The following COG8 variants were observed in gnomAD, a reference collection of about 807,000 sequenced individuals.
The protein encoded by COG8 is component of oligomeric golgi complex 8.
A neutral mutation model predicts 46.5 loss-of-function variants in COG8; 45 were observed. The observed-to-expected ratio is 0.97, with a 90% CI of 0.76 to 1.24. COG8 has a LOEUF of 1.24. Among genes scored for constraint, COG8 ranks in the 50% most tolerant of loss-of-function variants. The pLI is 0.00. For missense variants in COG8, 793 were observed against 820.8 expected, an observed-to-expected ratio of 0.97 and a Z score of 0.41; for synonymous variants, 407 against 347.8, an observed-to-expected ratio of 1.17 and a Z score of -1.90.
At position 69,335,168 on chromosome 16, in the gene COG8, G is replaced by A. The variant is rs370783972; in HGVS notation, c.766C>T (p.Arg256Trp). The A allele has an allele frequency of 8.5e-5, 138 of 1,614,058 alleles. No individual in the cohort carries two copies. Among genetic ancestry groups the A allele is most frequent in the Middle Eastern group, 3.3e-4 (2 of 6,084 alleles). Residue 256 changes from arginine (R) to tryptophan (W), a missense_variant, in exon 3 of 6, where the codon CGG becomes TGG. Physicochemically the swap from Arg to Trp is moderately radical, Grantham distance 101. Coordinates refer to ENST00000306875, the MANE Select transcript of COG8 (RefSeq NM_032382.5). Reference sequence around the variant, plus strand: ...TTAGGAATGGCAGTCAGGATGGACCGGAGCCAAGCATCTCGGGCCTGAAGA... The same window carrying A: ...TTAGGAATGGCAGTCAGGATGGACCAGAGCCAAGCATCTCGGGCCTGAAGA... ...KFLQARDAWLRSILTAIPNDD... is the reference protein window; with the variant it reads ...KFLQARDAWLWSILTAIPNDD...
At chr16:69,331,726 C>A (rs1272802741) in intron 4 of COG8, among the ~76,000 whole-genome samples, 2 of 152,030 alleles carry the variant, frequency 1.3e-5, no homozygotes, top group South Asian at 2.1e-4. Flanking sequence ...GTCTCAAACT[C>A]CCAACCTCAG....
intron 5 of COG8, 134 bp downstream of exon 5, chr16:69,330,679 T>G: frequency 1.4e-6 from 2 of 1,397,036 alleles, no homozygotes; most frequent in South Asian, 1.5e-5. Context: ...GATCCCCGCC[T>G]TCCTGCTTAG....
intron 5 of COG8, among the ~76,000 whole-genome samples, chr16:69,329,507 C>G (rs1965714590): frequency 6.6e-6 from 1 of 152,244 alleles, no homozygotes; most frequent in South Asian, 2.1e-4. Context: ...AACAGAGGTT[C>G]TGCAGCTTGA....
At position 69,339,530 on chromosome 16, in the gene COG8, GGGATA is replaced by G; in HGVS notation, c.18_22del (p.Pro8GlyfsTer15). 6.2e-7 allele frequency: 1 copy of G among 1,608,546 alleles called. No individual in the cohort carries two copies. Among genetic ancestry groups the G allele is most frequent in the Non-Finnish European group, 8.5e-7 (1 of 1,179,924 alleles). On this transcript the variant is annotated frameshift_variant, in exon 1 of 6. Transcript: ENST00000306875. LOFTEE classifies it high-confidence loss of function. ...CGCTGCTGTGGCCGTGGCTACCGAT[GGGATA>G]GTCGCCGCGGTCGCCATCTTCCCAG...
At position 69,328,925 on chromosome 16, in the gene COG8, C is replaced by T; in HGVS notation, c.*281G>A. ...TGGCAATCCAGTTTCCTGTCATATG[C>T]GAGCCATCCAAGTTGATGCCAAGTA... On this transcript the variant is annotated 3_prime_UTR_variant, in exon 6 of 6. Transcript: ENST00000306875. 2.7e-6 allele frequency: 4 copies of T among 1,476,358 alleles called. No homozygotes were observed. Among genetic ancestry groups the T allele is most frequent in the Non-Finnish European group, 2.7e-6 (3 of 1,101,382 alleles). 91.5% of individuals were successfully genotyped at this position (1,476,358 alleles called of 1,614,324 possible). A position where few individuals can be genotyped will look rare whatever the true frequency, so the allele number is the denominator to read the frequency against.
intron 5 of COG8, chr16:69,330,165 G>C: frequency 1.3e-6 from 2 of 1,532,440 alleles, no homozygotes; most frequent in South Asian, 1.2e-5. Flanking sequence ...TGGCGGGGCG[G>C]GCACTCCCGA....
rs768079795 is a variant in COG8 at position 69,334,777 on chromosome 16, G to A, written c.1157C>T (p.Thr386Ile). Reference sequence around the variant, plus strand: ...CATTTCTTCCTGGAATTTCTCCACTGTTTCCTGAATTGCTTTCTGGAAAGT... The same window carrying A: ...CATTTCTTCCTGGAATTTCTCCACTATTTCCTGAATTGCTTTCTGGAAAGT... ...ISTFQKAIQE[T>I]VEKFQEEMNS... The change falls in exon 3 of 6, where the codon ACA (threonine) becomes ATA (isoleucine). Residue 386 changes from threonine to isoleucine, a missense_variant. Coordinates refer to ENST00000306875, the MANE Select transcript of COG8 (RefSeq NM_032382.5). 3 of 1,614,136 alleles carry A rather than the reference G, an allele frequency of 1.9e-6. No individual in the cohort carries two copies. Among genetic ancestry groups the A allele is most frequent in the South Asian group, 1.1e-5 (1 of 91,090 alleles).
intron 5 of COG8, 80 bp from the exon 6 acceptor site, chr16:69,329,259 C>A (rs551594277): frequency 1.4e-5 from 20 of 1,396,716 alleles, no homozygotes; most frequent in Middle Eastern, 2.6e-4. Flanking sequence ...TGCCCCCGGT[C>A]CTGGCTGTTC....
chr16:69,328,996 GA>G lies in COG8; in HGVS notation c.*209del, dbSNP rs1353282685. On this transcript the variant is annotated 3_prime_UTR_variant, in exon 6 of 6. Transcript: ENST00000306875. ...GAAAGTGTTTGCGTCTTGGTATCCGGAATCCTCAGCCCCAGTAGCAAAGCTT... is the reference window on the plus strand; with the variant it reads ...GAAAGTGTTTGCGTCTTGGTATCCGGATCCTCAGCCCCAGTAGCAAAGCTT... The G allele has an allele frequency of 5.7e-6, 9 of 1,591,676 alleles. No homozygotes were observed. In the South Asian group the frequency reaches 1.0e-4, roughly 18 times the overall value.
chr16:69,330,735 C>CT, intron 5 of COG8, 78 bp downstream of exon 5: 1 of 1,427,298 alleles, frequency 7.0e-7, no homozygotes, highest in Non-Finnish European at 9.1e-7. Flanking sequence ...CCGGGAGCGC[C>CT]TTCCCGCCTC....
chr16:69,330,272 A>G, intron 5 of COG8: 1 of 1,437,716 alleles, frequency 7.0e-7, no homozygotes, highest in Non-Finnish European at 9.1e-7. Context: ...CATCACCTGG[A>G]CCAGCCGTTG....
At chr16:69,338,777 CAA>C in intron 1 of COG8, among the ~76,000 whole-genome samples, 1 of 152,320 alleles carries the variant, frequency 6.6e-6, no homozygotes, top group Non-Finnish European at 1.5e-5. Flanking sequence ...ATCACGACAT[CAA>C]AAGATCGAGA....
chr16:69,338,786 G>GA (rs2012353923), intron 1 of COG8, among the ~76,000 whole-genome samples: 1 of 152,168 alleles, frequency 6.6e-6, no homozygotes, highest in Non-Finnish European at 1.5e-5. Context: ...TCAAAAGATC[G>GA]AGACCATCCC....
intron 3 of COG8, 38 bp downstream of exon 3, chr16:69,334,483 A>T: frequency 4.5e-6 from 7 of 1,569,016 alleles, no homozygotes; most frequent in Non-Finnish European, 6.1e-6. Flanking sequence ...TTACCAGAGA[A>T]GGCCCAGGGT....
chr16:69,329,352 T>C (rs1422639739), intron 5 of COG8, among the ~76,000 whole-genome samples, 173 bp from the exon 6 acceptor site: 1 of 152,196 alleles, frequency 6.6e-6, no homozygotes, highest in Admixed American at 6.5e-5. Flanking sequence ...TCTCGGTCCA[T>C]TACCAAGCGT....
rs758158339 is a variant in COG8 at position 69,335,060 on chromosome 16, T to A, written c.874A>T (p.Ile292Phe). ...LFDIITQYRA[I>F]FSDEDPLLPP... is the part of the protein sequence containing the mutation. ...AGCAGTGGGTCCTCGTCTGAGAAGA[T>A]GGCACGGTACTGGGTGATGATATCA... The change falls in exon 3 of 6, where the codon ATC becomes TTC. Residue 292 changes from isoleucine to phenylalanine, a missense_variant. Ile to Phe is a conservative substitution (Grantham distance 21). Transcript: ENST00000306875. 6.2e-7 allele frequency: 1 copy of A among 1,614,144 alleles called. No homozygotes were observed. Among genetic ancestry groups the A allele is most frequent in the South Asian group, 1.1e-5 (1 of 91,080 alleles).
chr16:69,331,962 G>C (rs541796483), intron 4 of COG8, among the ~76,000 whole-genome samples: 134 of 152,362 alleles, frequency 8.8e-4, no homozygotes, highest in African/African-American at 2.7e-3. Flanking sequence ...GCCAGGCTTT[G>C]CACGTGTGAT....
At chr16:69,332,570 A>C in intron 4 of COG8, 144 bp downstream of exon 4, 1 of 845,836 alleles carries the variant, frequency 1.2e-6, no homozygotes, top group South Asian at 1.4e-5. Context: ...ACAAACGTGC[A>C]TGAAGGATCT....
chr16:69,334,554 A>G lies in COG8; in HGVS notation c.1380T>C (p.Asp460=). The G allele has an allele frequency of 2.5e-6, 4 of 1,614,232 alleles. No homozygotes were observed. Among genetic ancestry groups the G allele is most frequent in the Non-Finnish European group, 3.4e-6 (4 of 1,180,046 alleles). The change falls in exon 3 of 6, where the codon GAT becomes GAC. Residue 460 remains aspartate (D), a synonymous_variant. Coordinates refer to ENST00000306875, the MANE Select transcript of COG8 (RefSeq NM_032382.5). ...GGGCATCTTCCAAGGCCCCAGTCAC[A>G]TCCTGCGCCAGGGCCACAGGGCAGC... ...RLCCPVALAQ[D]VTGALEDALA... is the part of the protein sequence containing the mutation.
Sources: allele counts gnomAD v4.1 joint callset (sites outside exome capture counted in the v4.1 genomes callset), GRCh38; gene constraint gnomAD v4.1.1; transcripts MANE v1.5; gene names NCBI Gene and HGNC (gene_info 2026-07-23, HGNC 2026-07-21).